DMGDH: variants seen among roughly 807,000 people sequenced by gnomAD.
DMGDH encodes dimethylglycine dehydrogenase.
DMGDH carries 76 observed loss-of-function variants against 95.2 expected under a neutral mutation model. The ratio of observed to expected loss-of-function variants is 0.80; its 90% CI spans 0.66 to 0.97. DMGDH has a LOEUF of 0.97. Ranked by LOEUF, DMGDH falls within the 50% of genes least tolerant of loss-of-function variation. DMGDH has a pLI of 0.00. For missense variants in DMGDH, 987 were observed against 1,055.0 expected, an observed-to-expected ratio of 0.94 and a Z score of 0.89; for synonymous variants, 345 against 377.6, an observed-to-expected ratio of 0.91 and a Z score of 1.00.
intron 10 of DMGDH, chr5:79,030,462 T>C (rs1205621485): frequency 1.1e-5 from 3 of 264,734 alleles, no homozygotes; most frequent in South Asian, 4.5e-5. Context: ...GACCAACATA[T>C]AGTGAAACCC....
At chr5:79,048,615 TG>T (rs1245041503) in intron 5 of DMGDH, among the ~76,000 whole-genome samples, 1 of 152,240 alleles carries the variant, frequency 6.6e-6, no homozygotes, top group African/African-American at 2.4e-5. Context: ...TAGTTGCTTT[TG>T]TTCATAAAAC....
At chr5:79,019,266 T>C (rs1561210442) in intron 14 of DMGDH, among the ~76,000 whole-genome samples, 2 of 152,240 alleles carry the variant, frequency 1.3e-5, no homozygotes, top group South Asian at 2.1e-4. Context: ...AACAAAGATA[T>C]GGGGCAGAAT....
At chr5:79,038,093 C>A (rs1404385341) in intron 7 of DMGDH, among the ~76,000 whole-genome samples, 1 of 152,126 alleles carries the variant, frequency 6.6e-6, no homozygotes. Context: ...TATGGGACTT[C>A]CAGCCAAAAC....
At chr5:79,056,400 G>T (rs1755032311) in intron 2 of DMGDH, among the ~76,000 whole-genome samples, 1 of 151,654 alleles carries the variant, frequency 6.6e-6, no homozygotes, top group Non-Finnish European at 1.5e-5. Flanking sequence ...AAAATTAGCT[G>T]GGCGTGGTGG....
chr5:79,050,529 G>C (rs950217032), intron 5 of DMGDH, among the ~76,000 whole-genome samples: 1 of 152,094 alleles, frequency 6.6e-6, no homozygotes, highest in African/African-American at 2.4e-5. Flanking sequence ...GACTGCACAA[G>C]CATTTTCACT....
intron 14 of DMGDH, among the ~76,000 whole-genome samples, chr5:79,011,947 A>G (rs932581504): frequency 2.6e-5 from 4 of 152,106 alleles, no homozygotes; most frequent in Admixed American, 2.6e-4. Flanking sequence ...TACAAACCAT[A>G]TGATTACACC....
rs371099410 is a variant in DMGDH at position 79,054,659 on chromosome 5, A to G, written c.376-311T>C. Among the ~76,000 whole-genome samples, 37 of 152,358 alleles carry G rather than the reference A, an allele frequency of 2.4e-4. 1 individual carries two copies. In the South Asian group the frequency reaches 3.3e-3, roughly 14 times the overall value. Reference sequence around the variant, plus strand: ...GACAGACAGCTAAATGCAAAATCACAGTAGCATGGAATGAGTGTTAATGTA... The same window carrying G: ...GACAGACAGCTAAATGCAAAATCACGGTAGCATGGAATGAGTGTTAATGTA... On this transcript the variant is annotated intron_variant, in intron 3 of 15. Coordinates refer to ENST00000255189, the MANE Select transcript of DMGDH (RefSeq NM_013391.3).
At position 79,033,257 on chromosome 5, in the gene DMGDH, A is replaced by G; in HGVS notation, c.1345T>C (p.Tyr449His). 2 of 1,614,162 alleles carry G rather than the reference A, an allele frequency of 1.2e-6. No individual in the cohort carries two copies. The highest frequency in any genetic ancestry group is 1.7e-6 in the Non-Finnish European group (2 of 1,180,020). Residue 449 changes from tyrosine to histidine, a missense_variant, in exon 8 of 16, where the codon TAT becomes CAT. Transcript: ENST00000255189. ...ACCTTACCAATATTGTTGAATCCAT[A>G]TGATTCTCTTGCTTTGGCCTCAGTG... ...QYTEAKARES[Y>H]GFNNIVGYPK...
chr5:79,011,398 C>T (rs1753645011), intron 14 of DMGDH, among the ~76,000 whole-genome samples: 1 of 152,208 alleles, frequency 6.6e-6, no homozygotes, highest in Admixed American at 6.5e-5. Flanking sequence ...CTATTCAGAG[C>T]TTCTTAACAT....
rs143021634 is a variant in DMGDH, at chr5:79,042,446, G to A, written c.1030C>T (p.Arg344Ter). The A allele has an allele frequency of 4.3e-6, 7 of 1,613,966 alleles. No individual in the cohort carries two copies. The highest frequency in any genetic ancestry group is 2.7e-5 in the African/African-American group (2 of 74,876). Residue 344 changes from arginine to a stop codon, truncating the protein, a stop_gained, in exon 7 of 16, where the codon CGA becomes TGA. Coordinates refer to ENST00000255189, the MANE Select transcript of DMGDH (RefSeq NM_013391.3). LOFTEE classifies it high-confidence loss of function. ...GKELFESDLD[R>*]IMEHIKAAME... ...GCAGCTTTGATGTGTTCCATGATTC[G>A]ATCTAGATCAGACTCAAAGAGTTCC... is the stretch of plus-strand genomic sequence containing the variant.
At chr5:79,055,262 C>T (rs1754993832) in intron 3 of DMGDH, among the ~76,000 whole-genome samples, 1 of 152,210 alleles carries the variant, frequency 6.6e-6, no homozygotes, top group Admixed American at 6.5e-5. Flanking sequence ...CATGCTAATC[C>T]TTTGGCTTTG....
chr5:79,068,735 C>T (rs568317575), intron 1 of DMGDH, among the ~76,000 whole-genome samples: 2 of 152,252 alleles, frequency 1.3e-5, no homozygotes, highest in South Asian at 2.1e-4. Flanking sequence ...TATAAGAAGT[C>T]GAAAGATGTT....
chr5:79,063,273 T>C (rs1001283116), intron 2 of DMGDH, among the ~76,000 whole-genome samples: 2 of 152,098 alleles, frequency 1.3e-5, no homozygotes, highest in Non-Finnish European at 2.9e-5. Flanking sequence ...ATTTTGCACA[T>C]GTTAACTCAA....
intron 14 of DMGDH, among the ~76,000 whole-genome samples, chr5:79,010,827 G>A (rs1470851374): frequency 6.6e-6 from 1 of 152,218 alleles, no homozygotes; most frequent in Non-Finnish European, 1.5e-5. Context: ...AGGCTACTGT[G>A]TCTTATAGGC....
intron 2 of DMGDH, among the ~76,000 whole-genome samples, chr5:79,059,040 C>G (rs990688169): frequency 6.6e-6 from 1 of 152,182 alleles, no homozygotes; most frequent in Non-Finnish European, 1.5e-5. Flanking sequence ...CACTAAAATA[C>G]GTGTATTTCT....
chr5:79,007,328 C>T (rs931962337), intron 14 of DMGDH, among the ~76,000 whole-genome samples: 11 of 152,024 alleles, frequency 7.2e-5, no homozygotes, highest in East Asian at 1.9e-4. Context: ...ATACAGTATT[C>T]GTGGGATTTG....
At position 79,030,862 on chromosome 5, in the gene DMGDH, C is replaced by T. The variant is rs969359919; in HGVS notation, c.1654G>A (p.Asp552Asn). The T allele has an allele frequency of 6.2e-7, 1 of 1,613,858 alleles. No homozygotes were observed. The highest frequency in any genetic ancestry group is 1.3e-5 in the African/African-American group (1 of 74,828). ...GGAATGACATTTGCAAAGAGATGGT[C>T]CAGTAGTCTAATGGAATCTTGGCCT... ...IKGQDSIRLL[D>N]HLFANVIPKV... Residue 552 changes from aspartate to asparagine, a missense_variant, in exon 10 of 16, where the codon GAC becomes AAC. Asp to Asn is a conservative substitution (Grantham distance 23). Transcript: ENST00000255189.
chr5:79,023,841 T>C (rs1753925944), intron 14 of DMGDH, among the ~76,000 whole-genome samples: 1 of 152,192 alleles, frequency 6.6e-6, no homozygotes. Context: ...TATGCTGAAG[T>C]GAGGCTGCTC....
chr5:79,035,786 A>C (rs888483892), intron 7 of DMGDH, among the ~76,000 whole-genome samples: 6 of 152,186 alleles, frequency 3.9e-5, no homozygotes, highest in Non-Finnish European at 7.3e-5. Flanking sequence ...CTAAAAAGTA[A>C]ATATTTTACA....
Sources: gnomAD v4.1 joint callset for allele counts (sites outside exome capture counted in the v4.1 genomes callset) on GRCh38, gnomAD v4.1.1 for gene constraint, MANE v1.5 for transcripts, NCBI Gene and HGNC (gene_info 2026-07-23, HGNC 2026-07-21) for gene names.